The following D2HGDH variants were observed in gnomAD, a reference collection of about 807,000 sequenced individuals.
D2HGDH encodes the protein D-2-hydroxyglutarate dehydrogenase, mitochondrial.
In D2HGDH, 31 loss-of-function variants were observed where a neutral mutation model predicts 46.9. The observed-to-expected ratio is 0.66, with a 90% CI of 0.50 to 0.89. The LOEUF (loss-of-function observed/expected upper bound fraction) is 0.89, where lower values mean the gene tolerates loss of function less well. Among genes scored for constraint, D2HGDH ranks in the 40% least tolerant of loss-of-function variants. The probability of loss-of-function intolerance (pLI) is 0.00; values close to 1 mark genes in which losing one functional copy is unlikely to be tolerated. For synonymous variants in D2HGDH, 364 were observed against 332.6 expected (o/e 1.09, Z -1.03); for missense variants, 698 against 720.8 (o/e 0.97, Z 0.36).
At chr2:241,749,434 G>A in intron 6 of D2HGDH, 5 of 1,192,112 alleles carry the variant, frequency 4.2e-6, no homozygotes, top group Non-Finnish European at 5.4e-6. Flanking sequence ...CAGCGTCTCT[G>A]GGGCTGCCCG....
rs538521985 is a variant in D2HGDH, at chr2:241,745,829, C to T, written c.853+952C>T. On this transcript the variant is annotated intron_variant, in intron 6 of 9. Transcript: ENST00000321264. ...ATTCTTGAAGGCTCTTTTCCACAGGCGCATGGCTTCAGGCTGTTGTTTGTT... is the reference window on the plus strand; with the variant it reads ...ATTCTTGAAGGCTCTTTTCCACAGGTGCATGGCTTCAGGCTGTTGTTTGTT... Among the ~76,000 whole-genome samples the T allele has an allele frequency of 5.3e-5, 8 of 152,256 alleles. No individual in the cohort carries two copies. The East Asian group carries it at 7.7e-4, about 15-fold the overall frequency.
Position 241,743,433 on chromosome 2 carries a change from A to T in D2HGDH, c.491-189A>T, listed in dbSNP as rs1395730435. 1.3e-5 allele frequency among the ~76,000 whole-genome samples: 2 copies of T among 152,054 alleles called. No homozygotes were observed. The highest frequency in any genetic ancestry group is 4.8e-5 in the African/African-American group (2 of 41,402). On this transcript the variant is annotated intron_variant, in intron 4 of 9. Transcript: ENST00000321264. The surrounding 1 kb of genome is among the most constrained non-coding windows in gnomAD (Gnocchi z 4.8). ...TTTTTTTTGTGTCACCATAATTATA[A>T]AGGTCCTGTGAGGCCCAGATGTTTT...
intron 9 of D2HGDH, among the ~76,000 whole-genome samples, chr2:241,760,910 G>A (rs927002509): frequency 1.1e-4 from 16 of 152,350 alleles, no homozygotes; most frequent in African/African-American, 3.8e-4. Context: ...GTGTCTCAGT[G>A]TGTCTCTCCA....
Position 241,742,734 on chromosome 2 carries a change from C to G in D2HGDH, c.490+160C>G, listed in dbSNP as rs1177128922. Among the ~76,000 whole-genome samples, 1 of 152,216 alleles carries G rather than the reference C, an allele frequency of 6.6e-6. No homozygotes were observed. The highest frequency in any genetic ancestry group is 1.9e-4 in the East Asian group (1 of 5,202). Reference sequence around the variant, plus strand: ...TCTGTAGCCTGGCCGCCTAGCCCCACCTCGCCCGGCCCCTCCAGACATGCG... The same window carrying G: ...TCTGTAGCCTGGCCGCCTAGCCCCAGCTCGCCCGGCCCCTCCAGACATGCG... On this transcript the variant is annotated intron_variant, in intron 4 of 9. Coordinates refer to ENST00000321264, the MANE Select transcript of D2HGDH (RefSeq NM_152783.5). The surrounding 1 kb of genome is among the most constrained non-coding windows in gnomAD (Gnocchi z 4.8).
intron 9 of D2HGDH, among the ~76,000 whole-genome samples, chr2:241,762,165 G>C (rs1374352545): frequency 6.7e-6 from 1 of 148,364 alleles, no homozygotes; most frequent in Non-Finnish European, 1.5e-5. Context: ...TCCGCCTCCC[G>C]GGTTCAGGCG....
chr2:241,764,570 C>G (rs971049786), intron 9 of D2HGDH, among the ~76,000 whole-genome samples: 2 of 152,266 alleles, frequency 1.3e-5, no homozygotes, highest in Admixed American at 6.5e-5. Flanking sequence ...CTGCCTCGAC[C>G]TTTGTCGGTT....
Position 241,743,472 on chromosome 2 carries a change from G to A in D2HGDH, c.491-150G>A, listed in dbSNP as rs913771886. On this transcript the variant is annotated intron_variant, in intron 4 of 9. Transcript: ENST00000321264. The surrounding 1 kb of genome is among the most constrained non-coding windows in gnomAD (Gnocchi z 4.8). Reference sequence around the variant, plus strand: ...CCCAGATGTTTTCGTCCTTGGGCCAGCGATGTGGGGGTGCCTCTTCTCCTC... The same window carrying A: ...CCCAGATGTTTTCGTCCTTGGGCCAACGATGTGGGGGTGCCTCTTCTCCTC... The A allele has an allele frequency of 2.5e-6, 2 of 804,466 alleles. No homozygotes were observed. The highest frequency in any genetic ancestry group is 4.6e-5 in the Admixed American group (2 of 43,382). 49.8% of individuals were successfully genotyped at this position (804,466 alleles called of 1,614,324 possible).
chr2:241,756,608 A>G (rs1293661812), intron 9 of D2HGDH, among the ~76,000 whole-genome samples: 3 of 152,080 alleles, frequency 2.0e-5, no homozygotes, highest in African/African-American at 7.2e-5. Context: ...TGCAACCTCC[A>G]TCTTCTGGGT....
rs546056589 is a variant in D2HGDH, at chr2:241,756,667, G to A, written c.1306+653G>A. On this transcript the variant is annotated intron_variant, in intron 9 of 9. Transcript: ENST00000321264. ...CTCCCGAGTCTCTGGGATTACAGGC[G>A]TCCACCACCAGGCCTGGCTAATTTT... Among the ~76,000 whole-genome samples the A allele has an allele frequency of 2.5e-3, 376 of 152,222 alleles. 1 individual carries two copies. Among genetic ancestry groups the A allele is most frequent in the African/African-American group, 8.3e-3 (346 of 41,524 alleles).
chr2:241,762,637 C>G (rs1698933209), intron 9 of D2HGDH, among the ~76,000 whole-genome samples: 1 of 152,176 alleles, frequency 6.6e-6, no homozygotes, highest in Non-Finnish European at 1.5e-5. Flanking sequence ...TTCTTATCGG[C>G]TGCTGCCAGG....
chr2:241,768,006 C>A lies in D2HGDH; in HGVS notation c.*37C>A. The A allele has an allele frequency of 6.4e-7, 1 of 1,551,836 alleles. No individual in the cohort carries two copies. The highest frequency in any genetic ancestry group is 1.2e-5 in the South Asian group (1 of 85,578). On this transcript the variant is annotated 3_prime_UTR_variant, in exon 10 of 10. Transcript: ENST00000321264. ...GCTGCTGCCAAGGCCCACTGGGGGT[C>A]GGCGGGTGGCTCTCGGGCGGGGGTG...
At chr2:241,751,141 C>T (rs527912623) in intron 7 of D2HGDH, 105 bp from the exon 8 acceptor site, 12 of 1,520,162 alleles carry the variant, frequency 7.9e-6, no homozygotes, top group Middle Eastern at 1.7e-4. Flanking sequence ...TTCTTGGCCA[C>T]GAAAGATCAG....
intron 6 of D2HGDH, 35 bp from the exon 7 acceptor site, chr2:241,750,116 C>T: frequency 1.9e-6 from 3 of 1,613,472 alleles, no homozygotes; most frequent in East Asian, 4.5e-5. Context: ...GGGTTTAGCT[C>T]CGTGTGGTGC....
intron 5 of D2HGDH, among the ~76,000 whole-genome samples, chr2:241,744,051 CAG>C (rs1236795938): frequency 1.3e-5 from 2 of 152,198 alleles, no homozygotes; most frequent in Non-Finnish European, 2.9e-5. Flanking sequence ...CGGGGCCACA[CAG>C]AGAGGATGCA....
intron 2 of D2HGDH, among the ~76,000 whole-genome samples, chr2:241,739,381 C>T (rs181900687): frequency 2.8e-4 from 43 of 152,270 alleles, no homozygotes; most frequent in Non-Finnish European, 5.3e-4. Flanking sequence ...ACGCAGTGAG[C>T]GCAGGTGCCA....
At chr2:241,755,697 A>T (rs747716445) in intron 8 of D2HGDH, 152 bp from the exon 9 acceptor site, 25 of 1,564,486 alleles carry the variant, frequency 1.6e-5, no homozygotes, top group African/African-American at 1.2e-4. Context: ...GGTTGGAGCC[A>T]CACCTGGTCT....
At chr2:241,761,422 C>T (rs1698804705) in intron 9 of D2HGDH, among the ~76,000 whole-genome samples, 1 of 152,042 alleles carries the variant, frequency 6.6e-6, no homozygotes, top group East Asian at 1.9e-4. Flanking sequence ...GCCTGTAATC[C>T]CAGCTGCTTG....
At chr2:241,747,975 G>A (rs921103223) in intron 6 of D2HGDH, among the ~76,000 whole-genome samples, 15 of 152,312 alleles carry the variant, frequency 9.8e-5, no homozygotes, top group African/African-American at 3.6e-4. Flanking sequence ...CCCTGTGGGG[G>A]TCTCCTGGAT....
At chr2:241,736,736 C>T (rs1414564169) in intron 2 of D2HGDH, among the ~76,000 whole-genome samples, 1 of 150,208 alleles carries the variant, frequency 6.7e-6, no homozygotes, top group Non-Finnish European at 1.5e-5. Flanking sequence ...ATGGTGCAAT[C>T]TTGGCTCACT....
Sources: gnomAD v4.1 joint callset for allele counts (sites outside exome capture counted in the v4.1 genomes callset) on GRCh38, gnomAD v4.1.1 for gene constraint, Gnocchi (gnomAD v3.1) non-coding constraint, MANE v1.5 for transcripts, NCBI Gene and HGNC (gene_info 2026-07-23, HGNC 2026-07-21) for gene names.